SPPL3: variants seen among roughly 807,000 people sequenced by gnomAD.
SPPL3 encodes the protein signal peptide peptidase-like 3.
SPPL3 carries 5 observed loss-of-function variants against 42.4 expected under a neutral mutation model. The observed-to-expected ratio is 0.12, with a 90% CI of 0.06 to 0.25. SPPL3 has a LOEUF of 0.25. Among genes scored for constraint, SPPL3 ranks in the 10% least tolerant of loss-of-function variants. The probability of loss-of-function intolerance (pLI) is 1.00; values close to 1 mark genes in which losing one functional copy is unlikely to be tolerated. For missense variants in SPPL3, 235 were observed against 489.0 expected, an observed-to-expected ratio of 0.48 and a Z score of 4.90; for synonymous variants, 195 against 181.8, an observed-to-expected ratio of 1.07 and a Z score of -0.58.
chr12:120,817,188 G>A (rs1413755948), intron 1 of SPPL3, among the ~76,000 whole-genome samples: 1 of 151,836 alleles, frequency 6.6e-6, no homozygotes, highest in Non-Finnish European at 1.5e-5. Flanking sequence ...CCAGCTACTT[G>A]GGAGGCTGAG....
intron 2 of SPPL3, among the ~76,000 whole-genome samples, chr12:120,797,150 G>C (rs1485342801): frequency 6.6e-6 from 1 of 152,194 alleles, no homozygotes; most frequent in African/African-American, 2.4e-5. Context: ...CTGGATGACA[G>C]AGTGAGACTC....
chr12:120,838,963 A>T (rs1331082038), intron 1 of SPPL3, among the ~76,000 whole-genome samples: 1 of 152,138 alleles, frequency 6.6e-6, no homozygotes, highest in Admixed American at 6.5e-5. Context: ...TTCCTCAGGG[A>T]TCTAGAACTA....
intron 1 of SPPL3, among the ~76,000 whole-genome samples, chr12:120,867,292 T>C (rs1872783369): frequency 6.6e-6 from 1 of 152,200 alleles, no homozygotes; most frequent in Admixed American, 6.5e-5. Context: ...GCAAAGTTTA[T>C]ATATATGCAG....
chr12:120,818,078 A>G (rs896274508), intron 1 of SPPL3, among the ~76,000 whole-genome samples: 1 of 152,168 alleles, frequency 6.6e-6, no homozygotes, highest in Admixed American at 6.5e-5. Context: ...TTCAGACTCT[A>G]CCAAAGCATC....
intron 1 of SPPL3, among the ~76,000 whole-genome samples, chr12:120,854,061 A>C (rs1872368322): frequency 6.6e-6 from 1 of 151,906 alleles, no homozygotes; most frequent in African/African-American, 2.4e-5. Context: ...AGAAAACCCC[A>C]CAGTGACAGT....
chr12:120,810,277 C>T (rs1430702794), intron 2 of SPPL3, among the ~76,000 whole-genome samples: 3 of 152,068 alleles, frequency 2.0e-5, no homozygotes, highest in Non-Finnish European at 4.4e-5. Context: ...GCACTGTGCC[C>T]GGCCAAAGAT....
intron 1 of SPPL3, among the ~76,000 whole-genome samples, chr12:120,874,452 C>CAA (rs71076673): frequency 0.031 from 3,064 of 97,280 alleles, 93 homozygotes; most frequent in Non-Finnish European, 0.049. Flanking sequence ...GACCCTGTCG[C>CAA]AAAAAAAAAA....
At chr12:120,823,999 T>G (rs543778888) in intron 1 of SPPL3, among the ~76,000 whole-genome samples, 1 of 152,050 alleles carries the variant, frequency 6.6e-6, no homozygotes, top group East Asian at 1.9e-4. Flanking sequence ...GCCTCCCAAG[T>G]AGCTGGGACT....
intron 2 of SPPL3, among the ~76,000 whole-genome samples, chr12:120,802,932 ATGC>A (rs1256220286): frequency 2.6e-5 from 4 of 152,214 alleles, no homozygotes; most frequent in African/African-American, 9.6e-5. Flanking sequence ...ATACATTTTC[ATGC>A]AATGCCACCA....
chr12:120,853,760 A>G (rs1037087676), intron 1 of SPPL3, among the ~76,000 whole-genome samples: 3 of 152,254 alleles, frequency 2.0e-5, no homozygotes, highest in Non-Finnish European at 4.4e-5. Flanking sequence ...AAATTTCTAA[A>G]AAGTTCCCAG....
At chr12:120,826,274 C>A (rs1592981882) in intron 1 of SPPL3, among the ~76,000 whole-genome samples, 2 of 103,900 alleles carry the variant, frequency 1.9e-5, no homozygotes, top group Admixed American at 2.6e-4. Flanking sequence ...GCCTGGGCAA[C>A]AAGATTGAAA....
At chr12:120,786,650 AT>A (rs879662919) in intron 3 of SPPL3, among the ~76,000 whole-genome samples, 388 of 146,742 alleles carry the variant, frequency 2.6e-3, no homozygotes, top group African/African-American at 3.5e-3. Flanking sequence ...GAATGCACAG[AT>A]TTTTTTTTTT....
chr12:120,797,604 T>C (rs1342391498), intron 2 of SPPL3, among the ~76,000 whole-genome samples: 1 of 152,214 alleles, frequency 6.6e-6, no homozygotes, highest in Non-Finnish European at 1.5e-5. Flanking sequence ...TTCTTTTAAA[T>C]AGGTCCTGAA....
intron 6 of SPPL3, among the ~76,000 whole-genome samples, chr12:120,776,762 CAT>C (rs1337486813): frequency 6.6e-6 from 1 of 152,130 alleles, no homozygotes; most frequent in African/African-American, 2.4e-5. Flanking sequence ...TAAATAGTAT[CAT>C]GTGTGTCTGG....
In SPPL3 at chr12:120,803,186, T is replaced by C. The variant is rs145366284; in HGVS notation, c.101+7623A>G. 1.6e-4 allele frequency among the ~76,000 whole-genome samples: 24 copies of C among 152,326 alleles called. No homozygotes were observed. In the East Asian group the frequency reaches 3.3e-3, roughly 21 times the overall value. On this transcript the variant is annotated intron_variant, in intron 2 of 10. Coordinates refer to ENST00000353487, the MANE Select transcript of SPPL3 (RefSeq NM_139015.5). ...GCTACAAAGCTTATGGTGGTCCTTG[T>C]GAAACACTAGTAACAGGAGTGCTGG...
At chr12:120,879,539 A>G (rs1873216286) in intron 1 of SPPL3, among the ~76,000 whole-genome samples, 1 of 152,114 alleles carries the variant, frequency 6.6e-6, no homozygotes, top group Non-Finnish European at 1.5e-5. Context: ...AAAATTAAAC[A>G]GAGATTTTTA....
chr12:120,767,799 CCT>C (rs201854201), intron 8 of SPPL3, among the ~76,000 whole-genome samples: 75 of 152,294 alleles, frequency 4.9e-4, no homozygotes, highest in African/African-American at 1.3e-3. Flanking sequence ...CCTTGGCCCC[CCT>C]GTTTCAGGAG....
At position 120,766,380 on chromosome 12, in the gene SPPL3, G is replaced by A; in HGVS notation, c.974-8C>T. 1 of 1,570,306 alleles carries A rather than the reference G, an allele frequency of 6.4e-7. No individual in the cohort carries two copies. Among genetic ancestry groups the A allele is most frequent in the East Asian group, 2.3e-5 (1 of 43,464 alleles). On this transcript the variant is annotated splice_region_variant and splice_polypyrimidine_tract_variant and intron_variant, in intron 9 of 10. Transcript: ENST00000353487. ...CAGTAGCAGTGAGCAGGCCTGTGAGGAGAGAGAGGCATCTGTGAGACACGA... is the reference window on the plus strand; with the variant it reads ...CAGTAGCAGTGAGCAGGCCTGTGAGAAGAGAGAGGCATCTGTGAGACACGA...
At position 120,769,010 on chromosome 12, in the gene SPPL3, C is replaced by T. The variant is rs142388619; in HGVS notation, c.552G>A (p.Pro184=). ...GAAGCAGGCAGGAGACCTTGAGGCT[C>T]GGCAGGCGGACAAAGGCGATCATGG... ...CVAMIAFVRL[P]SLKVSCLLLS... is the part of the protein sequence containing the mutation. Residue 184 remains proline, a synonymous_variant, in exon 7 of 11, where the codon CCG becomes CCA. Transcript: ENST00000353487. 59 of 1,609,148 alleles carry T rather than the reference C, an allele frequency of 3.7e-5. No individual in the cohort carries two copies. The highest frequency in any genetic ancestry group is 8.0e-5 in the African/African-American group (6 of 75,016).
Sources: allele counts gnomAD v4.1 joint callset (sites outside exome capture counted in the v4.1 genomes callset), GRCh38; gene constraint gnomAD v4.1.1; transcripts MANE v1.5; gene names NCBI Gene and HGNC (gene_info 2026-07-23, HGNC 2026-07-21).